Variants in DROSHA observed in about 807,000 individuals in gnomAD.
The protein encoded by DROSHA is drosha ribonuclease III, also known as ribonuclease 3.
Under a neutral mutation model 181.9 loss-of-function variants are expected in DROSHA, and 56 were observed. That is an observed-to-expected ratio of 0.31 (90% CI 0.25 to 0.38). DROSHA has a LOEUF of 0.38. Among genes scored for constraint, DROSHA ranks in the 10% least tolerant of loss-of-function variants. The probability of loss-of-function intolerance (pLI) is 1.00; values close to 1 mark genes in which losing one functional copy is unlikely to be tolerated. For synonymous variants in DROSHA, 524 were observed against 591.2 expected (o/e 0.89, Z 1.65); for missense variants, 1,218 against 1,743.5 (o/e 0.70, Z 5.37).
intron 24 of DROSHA, among the ~76,000 whole-genome samples, chr5:31,436,741 AACAC>A (rs58046266): frequency 0.16 from 21,954 of 137,190 alleles, 1,662 homozygotes; most frequent in Non-Finnish European, 0.19. Flanking sequence ...TCTGGAGAGA[AACAC>A]ACACACACAC....
chr5:31,465,400 G>A (rs1429453420), intron 19 of DROSHA, among the ~76,000 whole-genome samples: 1 of 152,132 alleles, frequency 6.6e-6, no homozygotes, highest in East Asian at 1.9e-4. Flanking sequence ...GCAGACCAAT[G>A]GAAGACAATC....
At chr5:31,466,095 A>T in intron 19 of DROSHA, 87 bp downstream of exon 19, 1 of 1,320,172 alleles carries the variant, frequency 7.6e-7, no homozygotes, top group Non-Finnish European at 1.1e-6. Flanking sequence ...TCCATCTTGT[A>T]CCAGAAGTAT....
chr5:31,511,174 T>C lies in DROSHA; in HGVS notation c.1293A>G (p.Gly431=). The C allele has an allele frequency of 6.2e-7, 1 of 1,612,336 alleles. No individual in the cohort carries two copies. The highest frequency in any genetic ancestry group is 1.7e-5 in the Admixed American group (1 of 59,698). ...TACTCGTTCCAACCACTGTAGAATC[T>C]CCCTTTTAAAAATAAAGGATCAATA... ...YYSSDPMDQV[G]DSTVVGTSRL... The change falls in exon 9 of 36, where the codon GGA becomes GGG. Residue 431 remains glycine (G), a splice_region_variant and synonymous_variant. Coordinates refer to ENST00000344624, the MANE Select transcript of DROSHA (RefSeq NM_001382508.1).
At chr5:31,485,635 T>TAAA (rs10523474) in intron 14 of DROSHA, among the ~76,000 whole-genome samples, 31,093 of 135,868 alleles carry the variant, frequency 0.23, 3,888 homozygotes, top group East Asian at 0.37. Flanking sequence ...AAAAGGAAGT[T>TAAA]AAAAAAAAAA....
intron 35 of DROSHA, among the ~76,000 whole-genome samples, chr5:31,404,809 A>T (rs980931352): frequency 5.3e-5 from 8 of 151,176 alleles, no homozygotes; most frequent in African/African-American, 1.5e-4. Context: ...ATAATGATTT[A>T]AAAAAAAATG....
chr5:31,424,630 T>C (rs2149997685), intron 27 of DROSHA, among the ~76,000 whole-genome samples, 159 bp from the exon 28 acceptor site: 1 of 152,260 alleles, frequency 6.6e-6, no homozygotes, highest in South Asian at 2.1e-4. Context: ...TTTTTTTAAG[T>C]GTATTCACCA....
chr5:31,402,702 TGAA>T (rs1329340859), intron 35 of DROSHA, among the ~76,000 whole-genome samples: 6 of 152,202 alleles, frequency 3.9e-5, no homozygotes, highest in African/African-American at 1.4e-4. Context: ...TACACCAGGT[TGAA>T]GAAGGGACAG....
chr5:31,413,042 A>G (rs874332), intron 30 of DROSHA, among the ~76,000 whole-genome samples: 34,540 of 152,070 alleles, frequency 0.23, 4,222 homozygotes, highest in East Asian at 0.46. Context: ...CAACAAGCCC[A>G]ACGCACACAT....
At chr5:31,499,236 A>G (rs1753325300) in intron 11 of DROSHA, among the ~76,000 whole-genome samples, 1 of 152,160 alleles carries the variant, frequency 6.6e-6, no homozygotes, top group Non-Finnish European at 1.5e-5. Flanking sequence ...AGTTCAGCCA[A>G]TCCTTCTGTC....
At chr5:31,519,537 A>T (rs1336103191) in intron 6 of DROSHA, among the ~76,000 whole-genome samples, 2 of 152,172 alleles carry the variant, frequency 1.3e-5, no homozygotes, top group African/African-American at 4.8e-5. Context: ...CATGTTTTTA[A>T]TTACCATGTT....
chr5:31,433,675 G>A (rs1190832337), intron 25 of DROSHA, among the ~76,000 whole-genome samples: 1 of 152,124 alleles, frequency 6.6e-6, no homozygotes, highest in Non-Finnish European at 1.5e-5. Flanking sequence ...CTCCCGAGTA[G>A]CCGGGACTAC....
rs146840994 is a variant in DROSHA, at chr5:31,528,808, G to A, written c.20+232C>T. 5.7e-4 allele frequency among the ~76,000 whole-genome samples: 87 copies of A among 152,270 alleles called. 2 individuals carry two copies. In the East Asian group the frequency reaches 0.016, roughly 27 times the overall value. On this transcript the variant is annotated intron_variant, in intron 4 of 35. Transcript: ENST00000344624. ...CACCTTTAATGTCTGCCTGCACCTC[G>A]GAACTGCAAGCGCTGTCAGGGCAGC...
At chr5:31,425,486 A>C (rs1028114683) in intron 27 of DROSHA, among the ~76,000 whole-genome samples, 1 of 152,040 alleles carries the variant, frequency 6.6e-6, no homozygotes, top group African/African-American at 2.4e-5. Flanking sequence ...ACTTTCTCTC[A>C]ATGCTTTTTT....
rs552770822 is a variant in DROSHA, at chr5:31,488,793, T to G, written c.1843-2231A>C. Among the ~76,000 whole-genome samples, 13 of 152,230 alleles carry G rather than the reference T, an allele frequency of 8.5e-5. No homozygotes were observed. The East Asian group carries it at 1.9e-3, about 23-fold the overall frequency. On this transcript the variant is annotated intron_variant, in intron 13 of 35. Transcript: ENST00000344624. Reference sequence around the variant, plus strand: ...ACCAGACTGAAGTCTAATGCAATAGTCCAGGAGCCAAATGAAGGGAAGACT... The same window carrying G: ...ACCAGACTGAAGTCTAATGCAATAGGCCAGGAGCCAAATGAAGGGAAGACT...
Position 31,437,222 on chromosome 5 carries a change from C to T in DROSHA, c.2942+17G>A, listed in dbSNP as rs1052258118. The T allele has an allele frequency of 3.8e-6, 6 of 1,560,386 alleles. No homozygotes were observed. The African/African-American group carries it at 6.8e-5, about 18-fold the overall frequency. The stretch of plus-strand genomic sequence containing the variant: ...GTAATTATTGAGGAATTGTAAAAAA[C>T]AAAAAAGCCTAATTACCTGGTCAGA... On this transcript the variant is annotated intron_variant, in intron 24 of 35. Transcript: ENST00000344624.
chr5:31,493,359 CA>C (rs1752613675), intron 12 of DROSHA, 66 bp from the exon 13 acceptor site: 29 of 1,416,470 alleles, frequency 2.0e-5, no homozygotes, highest in African/African-American at 5.7e-5. Flanking sequence ...TGCAGAAATC[CA>C]TCAGGACAGA....
chr5:31,511,951 T>A (rs1486452892), intron 8 of DROSHA, among the ~76,000 whole-genome samples: 6 of 148,730 alleles, frequency 4.0e-5, no homozygotes, highest in South Asian at 2.1e-4. Flanking sequence ...ACACACACAC[T>A]CTCATGCCTT....
At chr5:31,466,089 T>A in intron 19 of DROSHA, 93 bp downstream of exon 19, 2 of 1,268,172 alleles carry the variant, frequency 1.6e-6, no homozygotes, top group Non-Finnish European at 2.2e-6. Flanking sequence ...TATTTTTCCA[T>A]CTTGTACCAG....
intron 20 of DROSHA, among the ~76,000 whole-genome samples, chr5:31,456,685 G>C (rs1417942288): frequency 6.6e-6 from 1 of 152,186 alleles, no homozygotes; most frequent in Non-Finnish European, 1.5e-5. Context: ...TTGACAGACA[G>C]AAAGCCAAAC....
Sources: gnomAD v4.1 joint callset for allele counts (sites outside exome capture counted in the v4.1 genomes callset) on GRCh38, gnomAD v4.1.1 for gene constraint, MANE v1.5 for transcripts, NCBI Gene and HGNC (gene_info 2026-07-23, HGNC 2026-07-21) for gene names.